The following LAMA2 variants were observed in gnomAD, a reference collection of about 807,000 sequenced individuals.
The protein encoded by LAMA2 is laminin subunit alpha 2.
Under a neutral mutation model 364.8 loss-of-function variants are expected in LAMA2, and 269 were observed. The observed-to-expected ratio is 0.74, with a 90% CI of 0.67 to 0.82. The LOEUF is 0.82. Ranked by LOEUF, LAMA2 falls within the 40% of genes least tolerant of loss-of-function variation. The pLI, the probability that LAMA2 is intolerant of heterozygous loss-of-function variation, is 0.00. For synonymous variants in LAMA2, 1,379 were observed against 1,370.6 expected (o/e 1.01, Z -0.14); for missense variants, 3,807 against 3,873.2 (o/e 0.98, Z 0.45).
intron 34 of LAMA2, among the ~76,000 whole-genome samples, chr6:129,373,745 C>T (rs1009412005): frequency 2.0e-5 from 3 of 152,064 alleles, no homozygotes; most frequent in Non-Finnish European, 4.4e-5. Flanking sequence ...TGGGGTTTGC[C>T]TCATATCTTT....
At chr6:128,971,385 C>T (rs1782176383) in intron 1 of LAMA2, among the ~76,000 whole-genome samples, 1 of 152,040 alleles carries the variant, frequency 6.6e-6, no homozygotes, top group Admixed American at 6.6e-5. Flanking sequence ...TTCGCAGAAA[C>T]AAATGAATAA....
intron 1 of LAMA2, among the ~76,000 whole-genome samples, chr6:128,942,203 T>A (rs1402641729): frequency 6.6e-6 from 1 of 152,142 alleles, no homozygotes; most frequent in Non-Finnish European, 1.5e-5. Flanking sequence ...TTTTCCATCA[T>A]CCTGTCTATT....
intron 40 of LAMA2, among the ~76,000 whole-genome samples, chr6:129,414,119 T>C (rs1218760571): frequency 1.3e-5 from 2 of 152,068 alleles, no homozygotes; most frequent in Non-Finnish European, 2.9e-5. Flanking sequence ...TCAAACACAT[T>C]TGAATACTTA....
At chr6:129,301,107 A>G (rs1562434446) in intron 22 of LAMA2, among the ~76,000 whole-genome samples, 1 of 152,198 alleles carries the variant, frequency 6.6e-6, no homozygotes, top group African/African-American at 2.4e-5. Context: ...GGTAAAAAGA[A>G]CAAAAATTCT....
chr6:129,151,233 CA>C (rs1464229575), intron 7 of LAMA2, among the ~76,000 whole-genome samples: 7 of 152,148 alleles, frequency 4.6e-5, no homozygotes, highest in African/African-American at 1.7e-4. Flanking sequence ...TATTTGGCAT[CA>C]GGGTTTTACA....
intron 1 of LAMA2, among the ~76,000 whole-genome samples, chr6:129,028,824 A>G (rs1786021007): frequency 6.6e-6 from 1 of 151,864 alleles, no homozygotes. Flanking sequence ...TTATTATTTT[A>G]ATATTTCATT....
chr6:129,217,120 C>T (rs536088051), intron 12 of LAMA2, among the ~76,000 whole-genome samples: 8 of 151,192 alleles, frequency 5.3e-5, no homozygotes, highest in East Asian at 1.9e-4. Flanking sequence ...ACCCAGGAGG[C>T]GGAGGTTGCA....
intron 1 of LAMA2, among the ~76,000 whole-genome samples, chr6:129,027,336 T>C (rs565777544): frequency 6.6e-6 from 1 of 152,172 alleles, no homozygotes; most frequent in East Asian, 1.9e-4. Flanking sequence ...TTTGCACATA[T>C]TTTCACCCCA....
chr6:129,512,439 G>A lies in LAMA2; in HGVS notation c.8934G>A (p.Leu2978=), dbSNP rs186155089. ...CAACTACAACGACTGGAGTTCTTCT[G>A]GGGATCAGTAGTCAAAAAATGGATG... is the stretch of plus-strand genomic sequence containing the variant. The part of the protein sequence containing the change: ...FRTTTTTGVL[L]GISSQKMDGM... The change falls in exon 63 of 65, where the codon CTG becomes CTA. Residue 2978 remains leucine, a synonymous_variant. Coordinates refer to ENST00000421865, the MANE Select transcript of LAMA2 (RefSeq NM_000426.4). 1 of 1,613,682 alleles carries A rather than the reference G, an allele frequency of 6.2e-7. No individual in the cohort carries two copies. The highest frequency in any genetic ancestry group is 2.2e-5 in the East Asian group (1 of 44,860).
chr6:129,119,724 AT>A (rs1416435383), intron 4 of LAMA2, among the ~76,000 whole-genome samples: 1 of 151,810 alleles, frequency 6.6e-6, no homozygotes, highest in African/African-American at 2.4e-5. Context: ...ATTTTTTTGT[AT>A]TTTTAGTACA....
At chr6:129,173,662 GAATTGCAA>G (rs1259231099) in intron 9 of LAMA2, among the ~76,000 whole-genome samples, 14 of 152,088 alleles carry the variant, frequency 9.2e-5, no homozygotes, top group Admixed American at 4.6e-4. Context: ...ATACAGGCTC[GAATTGCAA>G]AATTGGACAC....
intron 4 of LAMA2, among the ~76,000 whole-genome samples, chr6:129,135,483 A>T (rs1777738307): frequency 1.3e-5 from 2 of 152,242 alleles, no homozygotes; most frequent in Admixed American, 1.3e-4. Context: ...ATACATACAG[A>T]TCACATGCAA....
intron 11 of LAMA2, 55 bp from the exon 12 acceptor site, chr6:129,192,625 A>T: frequency 1.3e-6 from 2 of 1,512,388 alleles, no homozygotes; most frequent in Non-Finnish European, 1.8e-6. Flanking sequence ...TGAAAGAGAA[A>T]AGCAGCTGAT....
chr6:129,289,417 G>T (rs1249611173), intron 19 of LAMA2, among the ~76,000 whole-genome samples: 1 of 152,064 alleles, frequency 6.6e-6, no homozygotes, highest in Admixed American at 6.5e-5. Flanking sequence ...GCACATAGAG[G>T]GTATCCAGTG....
intron 1 of LAMA2, among the ~76,000 whole-genome samples, chr6:128,888,351 C>A (rs1320221053): frequency 6.6e-6 from 1 of 152,124 alleles, no homozygotes; most frequent in Non-Finnish European, 1.5e-5. Context: ...TAAAAAAATT[C>A]CTGCTCTTGT....
intron 52 of LAMA2, 98 bp from the exon 53 acceptor site, chr6:129,475,292 G>A (rs1466896417): frequency 1.3e-6 from 1 of 760,622 alleles, no homozygotes; most frequent in East Asian, 2.8e-5. Context: ...ATTTTTTAAA[G>A]ATTTATGATT....
intron 22 of LAMA2, among the ~76,000 whole-genome samples, chr6:129,312,368 C>T (rs1360271703): frequency 6.6e-6 from 1 of 152,006 alleles, no homozygotes; most frequent in African/African-American, 2.4e-5. Context: ...AGTCTGATGC[C>T]CTTTGTATGT....
Position 129,393,236 on chromosome 6 carries a change from A to C in LAMA2, c.5426A>C (p.Lys1809Thr), listed in dbSNP as rs775286908. 1.2e-6 allele frequency: 2 copies of C among 1,613,668 alleles called. No individual in the cohort carries two copies. Among genetic ancestry groups the C allele is most frequent in the East Asian group, 2.2e-5 (1 of 44,866 alleles). Residue 1809 changes from lysine (K) to threonine (T), a missense_variant, in exon 37 of 65, where the codon AAA (lysine) becomes ACA (threonine). Lys to Thr is a moderately conservative substitution (Grantham distance 78). This residue lies in a region of LAMA2 where 3,333 missense variants were observed against 3,345.7 expected (regional missense o/e 1.00). Transcript: ENST00000421865. ...AATCGCCTATTTGCAGTAAATCAGA[A>C]AAACATGACTGCATTGGAGGTGAGT... ...EANRLFAVNQ[K>T]NMTALEKKKE...
chr6:129,415,423 C>T (rs1049679593), intron 40 of LAMA2, among the ~76,000 whole-genome samples: 1 of 152,170 alleles, frequency 6.6e-6, no homozygotes, highest in Non-Finnish European at 1.5e-5. Context: ...GACTCTCATT[C>T]TCTACCTTAC....
Sources: allele counts gnomAD v4.1 joint callset (sites outside exome capture counted in the v4.1 genomes callset), GRCh38; gene constraint gnomAD v4.1.1; regional missense constraint gnomAD v4.1.1; transcripts MANE v1.5; gene names NCBI Gene and HGNC (gene_info 2026-07-23, HGNC 2026-07-21).